Variants in HK1 observed in about 807,000 individuals in gnomAD.
HK1 encodes the protein hexokinase 1.
Under a neutral mutation model 91.6 loss-of-function variants are expected in HK1, and 28 were observed. That is an observed-to-expected ratio of 0.31 (90% CI 0.23 to 0.42). The LOEUF (loss-of-function observed/expected upper bound fraction) is 0.42, where lower values mean the gene tolerates loss of function less well. Among genes scored for constraint, HK1 ranks in the 10% least tolerant of loss-of-function variants. HK1 has a pLI of 1.00. For synonymous variants in HK1, 430 were observed against 468.1 expected, an observed-to-expected ratio of 0.92 and a Z score of 1.05; for missense variants, 770 against 1,219.8, an observed-to-expected ratio of 0.63 and a Z score of 5.49.
At chr10:69,356,153 T>C (rs1241288196) in intron 2 of HK1, among the ~76,000 whole-genome samples, 1 of 152,018 alleles carries the variant, frequency 6.6e-6, no homozygotes, top group African/African-American at 2.4e-5. Context: ...AATTTAAAAC[T>C]TGGCCATGCT....
chr10:69,282,243 T>G (rs1017330726), intron 1 of HK1, among the ~76,000 whole-genome samples: 6 of 152,188 alleles, frequency 3.9e-5, no homozygotes, highest in African/African-American at 1.4e-4. Flanking sequence ...TGAGTGGCCA[T>G]TGTCATCACC....
chr10:69,272,071 C>T (rs1018030716), intron 1 of HK1, among the ~76,000 whole-genome samples: 4 of 152,060 alleles, frequency 2.6e-5, no homozygotes, highest in Non-Finnish European at 5.9e-5. Flanking sequence ...GCCATGTTGG[C>T]CAAGCTGGTC....
intron 14 of HK1, 148 bp downstream of exon 14, chr10:69,389,444 T>C (rs747959170): frequency 2.1e-5 from 9 of 424,362 alleles, no homozygotes; most frequent in Middle Eastern, 3.2e-4. Flanking sequence ...AGTTCAGGGC[T>C]GGACGAAGGC....
intron 1 of HK1, among the ~76,000 whole-genome samples, chr10:69,335,933 G>A (rs560433023): frequency 1.3e-5 from 2 of 152,156 alleles, no homozygotes; most frequent in East Asian, 1.9e-4. Context: ...AATAGGAAGC[G>A]GGAAGTAGGT....
At chr10:69,316,329 T>G (rs1236035301), upstream of HK1, among the ~76,000 whole-genome samples, 1 of 152,194 alleles carries the variant, frequency 6.6e-6, no homozygotes, top group Non-Finnish European at 1.5e-5. Context: ...ATGATTATGC[T>G]GCATTTTAGC....
At chr10:69,306,378 A>C (rs1396351095) in intron 5 of HK1, among the ~76,000 whole-genome samples, 4 of 151,354 alleles carry the variant, frequency 2.6e-5, no homozygotes, top group Admixed American at 6.6e-5. Flanking sequence ...AAATAAAATA[A>C]AATAAAAAAT....
At chr10:69,367,408 G>T (rs538665148) in intron 4 of HK1, among the ~76,000 whole-genome samples, 36 of 152,326 alleles carry the variant, frequency 2.4e-4, no homozygotes, top group African/African-American at 8.7e-4. Context: ...GAACTGCCCA[G>T]CAGGAAATGG....
At chr10:69,352,299 A>T (rs796639824) in intron 2 of HK1, among the ~76,000 whole-genome samples, 7 of 152,152 alleles carry the variant, frequency 4.6e-5, no homozygotes, top group African/African-American at 1.7e-4. Flanking sequence ...GGCTGAATTC[A>T]ATTTTTTAAC....
intron 1 of HK1, among the ~76,000 whole-genome samples, chr10:69,275,274 A>G (rs1368911396): frequency 6.6e-6 from 1 of 151,580 alleles, no homozygotes; most frequent in Non-Finnish European, 1.5e-5. Flanking sequence ...TAATCTCAGT[A>G]CTTTGGGAGG....
At position 69,401,647 on chromosome 10, in the gene HK1, C is replaced by A. The variant is rs1419072646; in HGVS notation, c.*512C>A. 5.3e-6 allele frequency: 2 copies of A among 374,340 alleles called. No individual in the cohort carries two copies. Among genetic ancestry groups the A allele is most frequent in the Admixed American group, 3.7e-5 (1 of 27,084 alleles). 23.2% of individuals were successfully genotyped at this position (374,340 alleles called of 1,614,324 possible). Reference sequence around the variant, plus strand: ...CCTCCTGGCACCCACTGTGGCCTGGCATCGCATCGTGGTGTGTCAATGCCA... The same window carrying A: ...CCTCCTGGCACCCACTGTGGCCTGGAATCGCATCGTGGTGTGTCAATGCCA... On this transcript the variant is annotated 3_prime_UTR_variant, in exon 18 of 18. Transcript: ENST00000359426.
chr10:69,300,173 C>T (rs559742796), intron 4 of HK1, among the ~76,000 whole-genome samples: 1 of 151,742 alleles, frequency 6.6e-6, no homozygotes, highest in East Asian at 1.9e-4. Flanking sequence ...ATTTTCATCA[C>T]CCCCCAAAAT....
At chr10:69,365,036 C>A in intron 4 of HK1, 134 bp downstream of exon 4, 1 of 993,870 alleles carries the variant, frequency 1.0e-6, no homozygotes. Context: ...GAAACATTTG[C>A]AGAAGTTAGT....
At chr10:69,357,941 G>A (rs958804922) in intron 2 of HK1, among the ~76,000 whole-genome samples, 5 of 152,084 alleles carry the variant, frequency 3.3e-5, no homozygotes, top group African/African-American at 7.2e-5. Flanking sequence ...GCATAACTCC[G>A]AATATACTAA....
At chr10:69,350,499 A>G (rs1444357564) in intron 2 of HK1, among the ~76,000 whole-genome samples, 2 of 151,958 alleles carry the variant, frequency 1.3e-5, no homozygotes, top group Non-Finnish European at 2.9e-5. Flanking sequence ...CGTCTCTACT[A>G]AAAAATACAA....
intron 12 of HK1, among the ~76,000 whole-genome samples, chr10:69,385,300 A>G (rs972323488): frequency 2.6e-5 from 4 of 152,192 alleles, no homozygotes; most frequent in African/African-American, 9.6e-5. Flanking sequence ...ACGCCCTAGC[A>G]CAGTGTCCAA....
At position 69,291,774 on chromosome 10, in the gene HK1, G is replaced by A. The variant is rs965759291; in HGVS notation, c.-115+3004G>A. ...ATTTCCACTGTTAGTGTAAGGAAGG[G>A]CCAAAAATTGCATGGTCCATTTGGT... On this transcript the variant is annotated intron_variant, in intron 3 of 21. Coordinates refer to the HK1 transcript ENST00000360289. Among the ~76,000 whole-genome samples the A allele has an allele frequency of 9.2e-5, 14 of 152,300 alleles. No homozygotes were observed. The South Asian group carries it at 1.2e-3, about 14-fold the overall frequency.
Position 69,395,109 on chromosome 10 carries a change from A to G in HK1, c.2375+4A>G. On this transcript the variant is annotated splice_donor_region_variant and intron_variant, in intron 16 of 17. Transcript: ENST00000359426. The stretch of plus-strand genomic sequence containing the variant: ...AGTTTCTCTCTCAGATCGAGAGGTG[A>G]GTGGGCAGTGTCTTCCCTGCCAGCG... 2 of 1,613,380 alleles carry G rather than the reference A, an allele frequency of 1.2e-6. No homozygotes were observed. The highest frequency in any genetic ancestry group is 1.7e-6 in the Non-Finnish European group (2 of 1,179,716).
Position 69,338,480 on chromosome 10 carries a change from A to G in HK1, c.64-5347A>G, listed in dbSNP as rs868192820. On this transcript the variant is annotated intron_variant, in intron 1 of 17. Transcript: ENST00000359426. ...TGGGTTTCTGTCATGACTCCTGGGA[A>G]CCTCTGTCTTCTGATAGATGGTCCA... 10 of 1,284,384 alleles carry G rather than the reference A, an allele frequency of 7.8e-6. No individual in the cohort carries two copies. In the Middle Eastern group the frequency reaches 1.3e-3, roughly 167 times the overall value. 79.6% of individuals were successfully genotyped at this position (1,284,384 alleles called of 1,614,324 possible).
intron 8 of HK1, among the ~76,000 whole-genome samples, chr10:69,378,290 A>C (rs564757978): frequency 2.0e-5 from 3 of 151,384 alleles, no homozygotes; most frequent in Non-Finnish European, 4.4e-5. Flanking sequence ...AAGCATGTAT[A>C]TTATAATAAA....
Sources: allele counts gnomAD v4.1 joint callset (sites outside exome capture counted in the v4.1 genomes callset), GRCh38; gene constraint gnomAD v4.1.1; transcripts MANE v1.5; gene names NCBI Gene and HGNC (gene_info 2026-07-23, HGNC 2026-07-21).